TMEM117: variants seen among roughly 807,000 people sequenced by gnomAD.
TMEM117 encodes transmembrane protein 117.
In TMEM117, 27 loss-of-function variants were observed where a neutral mutation model predicts 52.4. That is an observed-to-expected ratio of 0.51 (90% CI 0.38 to 0.71). The LOEUF (loss-of-function observed/expected upper bound fraction) is 0.71. Ranked by LOEUF, TMEM117 falls within the 30% of genes least tolerant of loss-of-function variation. The pLI, the probability that TMEM117 is intolerant of heterozygous loss-of-function variation, is 0.00. For synonymous variants in TMEM117, 215 were observed against 206.3 expected (o/e 1.04, Z -0.36); for missense variants, 556 against 630.5 (o/e 0.88, Z 1.26).
rs148609304 is a variant in TMEM117, at chr12:44,190,859, A to C, written c.511-20431A>C. ...AACTGTATATGTGCACTCTCTCTCT[A>C]TATATAGAGAGAGATACATACATAC... On this transcript the variant is annotated intron_variant, in intron 4 of 7. Transcript: ENST00000266534. Among the ~76,000 whole-genome samples, 189 of 149,088 alleles carry C rather than the reference A, an allele frequency of 1.3e-3. 2 individuals carry two copies. Among genetic ancestry groups the C allele is most frequent in the East Asian group, 0.01 (53 of 5,120 alleles).
At chr12:44,089,086 G>C (rs1018071592) in intron 3 of TMEM117, among the ~76,000 whole-genome samples, 1 of 152,144 alleles carries the variant, frequency 6.6e-6, no homozygotes, top group Non-Finnish European at 1.5e-5. Context: ...GATACTTCAA[G>C]TATTAAGCAT....
intron 3 of TMEM117, among the ~76,000 whole-genome samples, chr12:43,986,976 A>C (rs1047437718): frequency 6.6e-5 from 10 of 152,152 alleles, no homozygotes; most frequent in African/African-American, 1.9e-4. Flanking sequence ...TTATGGGCTA[A>C]AGGGCTAAAT....
In TMEM117 at chr12:44,236,191, G is replaced by T. The variant is rs199705190; in HGVS notation, c.608+24804G>T. Among the ~76,000 whole-genome samples the T allele has an allele frequency of 4.0e-3, 613 of 151,522 alleles. 1 individual carries two copies. Among genetic ancestry groups the T allele is most frequent in the African/African-American group, 0.011 (435 of 41,380 alleles). ...TCTAGCATATATATATATATATAGA[G>T]AGAGAGAGAGAGAGAGCGCCATTGT... On this transcript the variant is annotated intron_variant, in intron 5 of 7. Coordinates refer to ENST00000266534, the MANE Select transcript of TMEM117 (RefSeq NM_032256.3).
rs868061565 is a variant in TMEM117 at position 44,367,638 on chromosome 12, A to C, written c.769-8957A>C. ...TAGATCAATAGACTGGTGAGTCCAC[A>C]TCTGTATCTCCAGCCTTGTGCTCTC... On this transcript the variant is annotated intron_variant, in intron 6 of 7. Transcript: ENST00000266534. Among the ~76,000 whole-genome samples, 6 of 152,088 alleles carry C rather than the reference A, an allele frequency of 3.9e-5. No homozygotes were observed. The South Asian group carries it at 6.2e-4, about 16-fold the overall frequency.
chr12:44,128,082 A>T (rs930166045), intron 3 of TMEM117, among the ~76,000 whole-genome samples: 1 of 152,174 alleles, frequency 6.6e-6, no homozygotes, highest in South Asian at 2.1e-4. Flanking sequence ...TTCAGTTCTC[A>T]TTTCAAGCCT....
chr12:44,361,025 C>T (rs894463887), intron 6 of TMEM117, among the ~76,000 whole-genome samples: 42 of 152,146 alleles, frequency 2.8e-4, no homozygotes, highest in African/African-American at 9.4e-4. Flanking sequence ...TTCTATTTCA[C>T]CACACAGTCT....
At chr12:44,194,637 G>A (rs529795596) in intron 4 of TMEM117, among the ~76,000 whole-genome samples, 1 of 152,202 alleles carries the variant, frequency 6.6e-6, no homozygotes, top group South Asian at 2.1e-4. Flanking sequence ...AACAGCCTGG[G>A]CAACATGAGG....
At chr12:43,898,239 C>T (rs967034223) in intron 2 of TMEM117, among the ~76,000 whole-genome samples, 4 of 151,956 alleles carry the variant, frequency 2.6e-5, no homozygotes, top group Non-Finnish European at 5.9e-5. Context: ...AATCTGAGTT[C>T]TTGTGACTTT....
At chr12:43,875,387 G>A (rs919353323) in intron 2 of TMEM117, among the ~76,000 whole-genome samples, 1 of 152,160 alleles carries the variant, frequency 6.6e-6, no homozygotes, top group African/African-American at 2.4e-5. Context: ...GGCTCAGAAC[G>A]CTGAAGCAGG....
intron 2 of TMEM117, among the ~76,000 whole-genome samples, chr12:43,907,279 G>A (rs984109913): frequency 5.9e-5 from 9 of 151,814 alleles, no homozygotes; most frequent in Non-Finnish European, 1.3e-4. Flanking sequence ...ACCTGCAGCC[G>A]AGGGTCCTGT....
At chr12:43,920,519 T>G (rs964785735) in intron 2 of TMEM117, among the ~76,000 whole-genome samples, 2 of 151,180 alleles carry the variant, frequency 1.3e-5, no homozygotes, top group Admixed American at 1.3e-4. Flanking sequence ...AAAAATGACT[T>G]TTTGTCATAC....
chr12:44,019,401 A>T (rs1946422237), intron 3 of TMEM117, among the ~76,000 whole-genome samples: 1 of 152,072 alleles, frequency 6.6e-6, no homozygotes, highest in Non-Finnish European at 1.5e-5. Flanking sequence ...GCAGAGGGAG[A>T]AACAGAGGCT....
chr12:44,058,113 G>T (rs950964405), intron 3 of TMEM117, among the ~76,000 whole-genome samples: 13 of 151,554 alleles, frequency 8.6e-5, no homozygotes, highest in Non-Finnish European at 1.8e-4. Context: ...ATTTAATTTG[G>T]AAAAAATAAT....
chr12:44,005,966 C>T (rs887334299), intron 3 of TMEM117, among the ~76,000 whole-genome samples: 4 of 152,148 alleles, frequency 2.6e-5, no homozygotes, highest in South Asian at 2.1e-4. Context: ...TCCCCAATTA[C>T]GTGCAACTGT....
chr12:44,344,373 T>C (rs1419626207), intron 6 of TMEM117, among the ~76,000 whole-genome samples: 4 of 152,082 alleles, frequency 2.6e-5, no homozygotes, highest in African/African-American at 9.7e-5. Context: ...CTGAAGAACT[T>C]TGTACTTGGT....
At chr12:43,813,299 A>G in the TMEM117 span, among the ~76,000 whole-genome samples, 13 of 135,366 alleles carry the variant, frequency 9.6e-5, no homozygotes, top group Non-Finnish European at 1.5e-4. Context: ...GCTGGAGTAC[A>G]ATGGCACAAT....
intron 4 of TMEM117, among the ~76,000 whole-genome samples, chr12:44,171,207 G>C (rs1592577529): frequency 1.3e-5 from 2 of 151,968 alleles, no homozygotes; most frequent in South Asian, 4.1e-4. Context: ...AGTAGAGACA[G>C]GGTTTCACCA....
intron 3 of TMEM117, among the ~76,000 whole-genome samples, chr12:44,081,770 T>C (rs1947485104): frequency 6.6e-6 from 1 of 152,074 alleles, no homozygotes; most frequent in Non-Finnish European, 1.5e-5. Context: ...TCCAATCTCA[T>C]CAAGCAAGTT....
chr12:44,014,081 T>C (rs1019770021), intron 3 of TMEM117, among the ~76,000 whole-genome samples: 14 of 152,074 alleles, frequency 9.2e-5, no homozygotes, highest in Non-Finnish European at 8.8e-5. Context: ...CTTGTGTCCT[T>C]TTCACGGTGA....
Sources: gnomAD v4.1 joint callset for allele counts (sites outside exome capture counted in the v4.1 genomes callset) on GRCh38, gnomAD v4.1.1 for gene constraint, MANE v1.5 for transcripts, NCBI Gene and HGNC (gene_info 2026-07-23, HGNC 2026-07-21) for gene names.